TTC21A: variants seen among roughly 807,000 people sequenced by gnomAD.
The protein encoded by TTC21A is tetratricopeptide repeat domain 21A.
Under a neutral mutation model 156.4 loss-of-function variants are expected in TTC21A, and 128 were observed. The observed-to-expected ratio is 0.82, with a 90% CI of 0.71 to 0.95. The LOEUF is 0.95. TTC21A is among the 40% of genes least tolerant of loss of function. TTC21A has a pLI of 0.00. For missense variants in TTC21A, 1,435 were observed against 1,602.3 expected, an observed-to-expected ratio of 0.90 and a Z score of 1.78; for synonymous variants, 587 against 617.1, an observed-to-expected ratio of 0.95 and a Z score of 0.72.
chr3:39,125,714 G>T (rs1457728962), intron 11 of TTC21A, among the ~76,000 whole-genome samples, 182 bp downstream of exon 11: 1 of 152,206 alleles, frequency 6.6e-6, no homozygotes, highest in Non-Finnish European at 1.5e-5. Context: ...TCACCTGGGA[G>T]GTTGTTCCAG....
intron 6 of TTC21A, among the ~76,000 whole-genome samples, chr3:39,116,832 T>C (rs1421013165): frequency 6.6e-6 from 1 of 152,234 alleles, no homozygotes; most frequent in Non-Finnish European, 1.5e-5. Flanking sequence ...ATTTTGCTAT[T>C]GTATTCTAAC....
intron 7 of TTC21A, 195 bp downstream of exon 7, chr3:39,118,348 C>G: frequency 1.7e-6 from 1 of 604,574 alleles, no homozygotes; most frequent in East Asian, 2.8e-5. Flanking sequence ...GCTTGGGAGT[C>G]AGGCAGCATC....
At position 39,129,229 on chromosome 3, in the gene TTC21A, G is replaced by A. The variant is rs745880326; in HGVS notation, c.2054G>A (p.Cys685Tyr). ...MLRNILPKQS[C>Y]YMEAREKMAN... ...AGGAACATCTTGCCCAAGCAGTCCT[G>A]CTATATGGAAGCCAGAGAGAAGATG... Residue 685 changes from cysteine to tyrosine, a missense_variant, in exon 15 of 29, where the codon TGC (cysteine) becomes TAC (tyrosine). Coordinates refer to ENST00000683103, the MANE Select transcript of TTC21A (RefSeq NM_001366900.1). 7 of 1,614,092 alleles carry A rather than the reference G, an allele frequency of 4.3e-6. No homozygotes were observed. Among genetic ancestry groups the A allele is most frequent in the Admixed American group, 1.7e-5 (1 of 60,008 alleles).
In TTC21A at chr3:39,125,646, G is replaced by C. The variant is rs1008689138; in HGVS notation, c.1392+114G>C. On this transcript the variant is annotated intron_variant, in intron 11 of 28. Transcript: ENST00000683103. ...GGCCAGTCACAAGTAAGGATGGGGT[G>C]AGCCTTGGGCAGCTGGGGAGCCCAG... 5.6e-5 allele frequency: 45 copies of C among 806,758 alleles called. 2 individuals are homozygous for C. Among genetic ancestry groups the C allele is most frequent in the Middle Eastern group, 6.3e-4 (2 of 3,152 alleles). 50.0% of individuals were successfully genotyped at this position (806,758 alleles called of 1,614,324 possible). A position where few individuals can be genotyped will look rare whatever the true frequency, so the allele number is the denominator to read the frequency against.
Position 39,121,190 on chromosome 3 carries a change from G to A in TTC21A, c.1093+1G>A, listed in dbSNP as rs769156838. ...AAGGATGGCATGGCTGGTTTGACAGGTATATGCAGGTGTGGCAGGGCTCAG... is the reference window on the plus strand; with the variant it reads ...AAGGATGGCATGGCTGGTTTGACAGATATATGCAGGTGTGGCAGGGCTCAG... On this transcript the variant is annotated splice_donor_variant, in intron 9 of 28. Coordinates refer to ENST00000683103, the MANE Select transcript of TTC21A (RefSeq NM_001366900.1). LOFTEE classifies it high-confidence loss of function. 2 of 1,610,120 alleles carry A rather than the reference G, an allele frequency of 1.2e-6. No individual in the cohort carries two copies. Among genetic ancestry groups the A allele is most frequent in the Non-Finnish European group, 1.7e-6 (2 of 1,177,544 alleles).
chr3:39,110,859 GC>G lies in TTC21A; in HGVS notation c.278del (p.Ala93GlufsTer9). On this transcript the variant is annotated frameshift_variant, in exon 4 of 29. Transcript: ENST00000683103. LOFTEE classifies it high-confidence loss of function. Reference sequence around the variant, plus strand: ...CGCTCTTGGATTTACAGACCGAGAAGCAATTCAGGAGCTTGAGTACAGCCTG... The same window carrying G: ...CGCTCTTGGATTTACAGACCGAGAAGAATTCAGGAGCTTGAGTACAGCCTG... ...HKRCEIIDRE[A>X]IQELEYSLKE... The G allele has an allele frequency of 6.2e-7, 1 of 1,613,924 alleles. No individual in the cohort carries two copies. Among genetic ancestry groups the G allele is most frequent in the Non-Finnish European group, 8.5e-7 (1 of 1,180,000 alleles).
At chr3:39,133,365 G>A in intron 20 of TTC21A, 125 bp downstream of exon 20, 1 of 963,426 alleles carries the variant, frequency 1.0e-6, no homozygotes, top group Non-Finnish European at 1.5e-6. Context: ...AGATATGATG[G>A]GCATGGGAGG....
chr3:39,108,839 T>C (rs1353693119), intron 1 of TTC21A, among the ~76,000 whole-genome samples: 2 of 152,222 alleles, frequency 1.3e-5, no homozygotes, highest in Non-Finnish European at 2.9e-5. Flanking sequence ...CCCATCATAG[T>C]TGAACCAGAA....
rs778438376 is a variant in TTC21A, at chr3:39,128,869, G to C, written c.1833G>C (p.Gln611His). The C allele has an allele frequency of 6.2e-7, 1 of 1,614,202 alleles. No individual in the cohort carries two copies. The highest frequency in any genetic ancestry group is 8.5e-7 in the Non-Finnish European group (1 of 1,180,044). ...EGRKFLRPSVQPSQRASILLE... is the reference protein window; with the variant it reads ...EGRKFLRPSVHPSQRASILLE... ...GAAAGTTCCTCAGGCCCTCTGTGCA[G>C]CCTAGCCAGCGGGCATCCATCTTAT... Residue 611 changes from glutamine to histidine, a missense_variant, in exon 14 of 29, where the codon CAG becomes CAC. Coordinates refer to ENST00000683103, the MANE Select transcript of TTC21A (RefSeq NM_001366900.1).
At position 39,130,131 on chromosome 3, in the gene TTC21A, G is replaced by A. The variant is rs774906203; in HGVS notation, c.2188G>A (p.Ala730Thr). ...GPHTSLLLGD[A>T]LMSILEPEKA... ...CCACACCAGCCTGCTACTGGGCGAT[G>A]CCTTAATGAGCATTCTGGAGGTAAG... is the stretch of plus-strand genomic sequence containing the variant. The change falls in exon 16 of 29, where the codon GCC becomes ACC. Residue 730 changes from alanine (A) to threonine (T), a missense_variant. Coordinates refer to ENST00000683103, the MANE Select transcript of TTC21A (RefSeq NM_001366900.1). The surrounding 1 kb of genome is among the most constrained non-coding windows in gnomAD (Gnocchi z 4.5). The A allele has an allele frequency of 6.2e-7, 1 of 1,614,042 alleles. No homozygotes were observed. Among genetic ancestry groups the A allele is most frequent in the Non-Finnish European group, 8.5e-7 (1 of 1,179,984 alleles).
intron 6 of TTC21A, among the ~76,000 whole-genome samples, chr3:39,117,015 G>T (rs1164468603): frequency 1.3e-5 from 2 of 152,122 alleles, no homozygotes; most frequent in Non-Finnish European, 2.9e-5. Flanking sequence ...CCTGTTTTCT[G>T]ACTCTTGAGT....
At chr3:39,107,924 A>G (rs2036361009) in intron 1 of TTC21A, 60 bp downstream of exon 1, 5 of 1,598,720 alleles carry the variant, frequency 3.1e-6, no homozygotes, top group South Asian at 1.1e-5. Context: ...TGACCCAGAG[A>G]CCGTCTGCCC....
chr3:39,114,891 G>C (rs908713030), intron 6 of TTC21A, 149 bp downstream of exon 6: 3 of 823,216 alleles, frequency 3.6e-6, no homozygotes, highest in Non-Finnish European at 5.8e-6. Flanking sequence ...ATGAGGAAGA[G>C]AGCAGGGATG....
rs1274791881 is a variant in TTC21A, at chr3:39,120,092, C to A, written c.900+72C>A. ...TCCTTAGAGGAGAACTGTGCTCCCC[C>A]AGGAAGCTCCTTGAGTGCCTTACCC... On this transcript the variant is annotated intron_variant, in intron 8 of 28. Coordinates refer to ENST00000683103, the MANE Select transcript of TTC21A (RefSeq NM_001366900.1). 14 of 1,156,142 alleles carry A rather than the reference C, an allele frequency of 1.2e-5. No individual in the cohort carries two copies. In the South Asian group the frequency reaches 1.7e-4, roughly 14 times the overall value. The allele number at this position is 1,156,142 out of a possible 1,614,324, so 71.6% of individuals were successfully genotyped here. A position where few individuals can be genotyped will look rare whatever the true frequency, so the allele number is the denominator to read the frequency against.
At chr3:39,129,814 C>T (rs536517139) in intron 15 of TTC21A, among the ~76,000 whole-genome samples, 1 of 152,268 alleles carries the variant, frequency 6.6e-6, no homozygotes, top group South Asian at 2.1e-4. Context: ...ATTGCTGCCT[C>T]ATGGAGAGGG....
intron 1 of TTC21A, 55 bp from the exon 2 acceptor site, chr3:39,109,030 A>C: frequency 6.3e-7 from 1 of 1,589,566 alleles, no homozygotes; most frequent in East Asian, 2.3e-5. Flanking sequence ...CATCTGGGAC[A>C]GAACAGAGAC....
At chr3:39,131,159 A>C (rs927011014) in intron 19 of TTC21A, 64 bp downstream of exon 19, 17 of 1,394,846 alleles carry the variant, frequency 1.2e-5, no homozygotes, top group Middle Eastern at 3.6e-4. Flanking sequence ...AAGGAGGAGG[A>C]AGGAGAGAGC....
intron 3 of TTC21A, 38 bp downstream of exon 3, chr3:39,110,177 G>T: frequency 6.6e-7 from 1 of 1,519,280 alleles, no homozygotes; most frequent in Non-Finnish European, 9.1e-7. Flanking sequence ...TGACCCACCA[G>T]GGGAAGGAAA....
rs2039222613 is a variant in TTC21A at position 39,137,526 on chromosome 3, A to G, written c.3491A>G (p.Tyr1164Cys). 2 of 1,614,208 alleles carry G rather than the reference A, an allele frequency of 1.2e-6. No individual in the cohort carries two copies. The highest frequency in any genetic ancestry group is 2.2e-5 in the South Asian group (2 of 91,086). ...GCCCTGCTGGCCTTGGCACAAGCCT[A>G]CGTGTTCCTGAAGCAGATCCCCAAG... is the stretch of plus-strand genomic sequence containing the variant. Reference protein sequence around the residue: ...VPALLALAQAYVFLKQIPKAR... With the variant: ...VPALLALAQACVFLKQIPKAR... Residue 1164 changes from tyrosine (Y) to cysteine (C), a missense_variant, in exon 26 of 29, where the codon TAC becomes TGC. Transcript: ENST00000683103.
Sources: allele counts gnomAD v4.1 joint callset (sites outside exome capture counted in the v4.1 genomes callset), GRCh38; gene constraint gnomAD v4.1.1; non-coding constraint Gnocchi (gnomAD v3.1); transcripts MANE v1.5; gene names NCBI Gene and HGNC (gene_info 2026-07-23, HGNC 2026-07-21).